PRKDC: variants seen among roughly 807,000 people sequenced by gnomAD.
PRKDC encodes the protein DNA-dependent protein kinase catalytic subunit.
In PRKDC, 82 loss-of-function variants were observed where a neutral mutation model predicts 486.9. That is an observed-to-expected ratio of 0.17 (90% confidence interval 0.14 to 0.20). The LOEUF is 0.20. Among genes scored for constraint, PRKDC ranks in the 10% least tolerant of loss-of-function variants. PRKDC has a pLI of 1.00. For synonymous variants in PRKDC, 1,895 were observed against 1,837.0 expected (o/e 1.03, Z -0.81); for missense variants, 4,504 against 5,038.2 (o/e 0.89, Z 3.21).
At chr8:47,861,060 A>T in intron 44 of PRKDC, 89 bp from the exon 45 acceptor site, 1 of 893,910 alleles carries the variant, frequency 1.1e-6, no homozygotes, top group South Asian at 2.0e-5. Flanking sequence ...CAAAAAAAAA[A>T]TTATAAATTT....
In PRKDC at chr8:47,882,107, T is replaced by C; in HGVS notation, c.4777-10A>G. The C allele has an allele frequency of 6.3e-7, 1 of 1,589,402 alleles. No homozygotes were observed. Among genetic ancestry groups the C allele is most frequent in the South Asian group, 1.2e-5 (1 of 86,328 alleles). ...TCAAAACGGCACTCACCTGAGACAA[T>C]TTCGTTGTGAGTGAAGAAAAATTCT... On this transcript the variant is annotated splice_polypyrimidine_tract_variant and intron_variant, in intron 36 of 85. Transcript: ENST00000314191.
chr8:47,827,817 C>G (rs1334711998), intron 62 of PRKDC, among the ~76,000 whole-genome samples: 1 of 152,140 alleles, frequency 6.6e-6, no homozygotes, highest in African/African-American at 2.4e-5. Context: ...GGTACTCAGT[C>G]AACATCTTTT....
chr8:47,902,982 A>G (rs984732753), intron 26 of PRKDC, among the ~76,000 whole-genome samples, 187 bp from the exon 27 acceptor site: 3 of 152,202 alleles, frequency 2.0e-5, no homozygotes, highest in Non-Finnish European at 4.4e-5. Context: ...TTGAATAACT[A>G]TTTCCTTCTG....
chr8:47,838,174 T>C (rs1169423898), intron 56 of PRKDC, among the ~76,000 whole-genome samples: 1 of 152,000 alleles, frequency 6.6e-6, no homozygotes, highest in Non-Finnish European at 1.5e-5. Context: ...ATGTAGTTGG[T>C]GCACATACAT....
chr8:47,784,778 C>T (rs2086763042), intron 77 of PRKDC, among the ~76,000 whole-genome samples: 1 of 151,744 alleles, frequency 6.6e-6, no homozygotes, highest in Non-Finnish European at 1.5e-5. Flanking sequence ...TGCCTCTATA[C>T]CTGTATATTT....
chr8:47,858,406 T>C, intron 48 of PRKDC, 110 bp downstream of exon 48: 1 of 1,119,620 alleles, frequency 8.9e-7, no homozygotes, highest in Non-Finnish European at 1.2e-6. Flanking sequence ...TTTCCTTTTT[T>C]GTGTGTGTTT....
chr8:47,877,616 T>C (rs2089116435), intron 40 of PRKDC, 108 bp downstream of exon 40: 2 of 1,150,188 alleles, frequency 1.7e-6, no homozygotes, highest in Admixed American at 3.0e-5. Context: ...TAAAGTTTAG[T>C]AGCAAGAATA....
chr8:47,959,864 G>A (rs1057505121), intron 1 of PRKDC, 109 bp downstream of exon 1: 1 of 1,458,134 alleles, frequency 6.9e-7, no homozygotes, highest in Non-Finnish European at 9.1e-7. Flanking sequence ...TCTAATTGCT[G>A]TACTTCAAAA....
At chr8:47,906,855 C>A (rs1170925964) in intron 25 of PRKDC, among the ~76,000 whole-genome samples, 1 of 151,430 alleles carries the variant, frequency 6.6e-6, no homozygotes, top group East Asian at 1.9e-4. Flanking sequence ...AGGGCTCAGA[C>A]TAAACAACAC....
chr8:47,910,087 G>A lies in PRKDC; in HGVS notation c.2934+2323C>T, dbSNP rs145893467. Among the ~76,000 whole-genome samples the A allele has an allele frequency of 1.0e-3, 152 of 152,188 alleles. 1 individual carries two copies. Among genetic ancestry groups the A allele is most frequent in the African/African-American group, 3.3e-3 (137 of 41,512 alleles). On this transcript the variant is annotated intron_variant, in intron 25 of 85. Transcript: ENST00000314191. ...GGCTCGGGGTTGTCATCACGGTCCCGGGTGTAACATTTCTCTCTTTGTACT... is the reference window on the plus strand; with the variant it reads ...GGCTCGGGGTTGTCATCACGGTCCCAGGTGTAACATTTCTCTCTTTGTACT...
chr8:47,900,643 C>T (rs559786422), intron 27 of PRKDC, among the ~76,000 whole-genome samples, 176 bp from the exon 28 acceptor site: 14 of 151,984 alleles, frequency 9.2e-5, no homozygotes, highest in African/African-American at 2.9e-4. Context: ...AGGTGGATCA[C>T]GAGGTCAGGA....
At chr8:47,821,272 T>TCTTG (rs564920924) in intron 65 of PRKDC, among the ~76,000 whole-genome samples, 325 of 152,268 alleles carry the variant, frequency 2.1e-3, no homozygotes, top group Non-Finnish European at 3.4e-3. Flanking sequence ...GCGGAGAGCC[T>TCTTG]CTTGTCACAG....
intron 22 of PRKDC, among the ~76,000 whole-genome samples, chr8:47,916,449 T>A (rs1743216642): frequency 6.6e-6 from 1 of 151,440 alleles, no homozygotes; most frequent in Non-Finnish European, 1.5e-5. Context: ...AAAAAAAAAA[T>A]CTTTAAGTAA....
At chr8:47,852,811 GCATC>G in intron 51 of PRKDC, 27 bp from the exon 52 acceptor site, 1 of 1,365,028 alleles carries the variant, frequency 7.3e-7, no homozygotes, top group Non-Finnish European at 1.0e-6. Context: ...AAAGACATAT[GCATC>G]AAATAAACCA....
chr8:47,838,034 G>A (rs2088065641), intron 56 of PRKDC, among the ~76,000 whole-genome samples: 2 of 152,134 alleles, frequency 1.3e-5, no homozygotes, highest in African/African-American at 4.8e-5. Context: ...TACTCGGGAG[G>A]CTGAGGCAGG....
intron 27 of PRKDC, among the ~76,000 whole-genome samples, chr8:47,902,103 G>A (rs1056284397): frequency 1.3e-5 from 2 of 152,054 alleles, no homozygotes; most frequent in Non-Finnish European, 2.9e-5. Flanking sequence ...CCAGCCTCAC[G>A]ACACCTGCCT....
chr8:47,944,503 G>GA (rs1006845930), intron 7 of PRKDC, among the ~76,000 whole-genome samples: 5 of 124,536 alleles, frequency 4.0e-5, no homozygotes, highest in African/African-American at 1.2e-4. Flanking sequence ...AAAAAAAACA[G>GA]AAAAAAAAAC....
intron 3 of PRKDC, among the ~76,000 whole-genome samples, chr8:47,956,672 C>G (rs946241721): frequency 2.0e-5 from 3 of 151,892 alleles, no homozygotes; most frequent in Non-Finnish European, 4.4e-5. Context: ...CACTGCACTC[C>G]AGCCTGGATG....
At position 47,774,357 on chromosome 8, in the gene PRKDC, T is replaced by C; in HGVS notation, c.12203A>G (p.His4068Arg). The C allele has an allele frequency of 6.2e-7, 1 of 1,613,186 alleles. No homozygotes were observed. Among genetic ancestry groups the C allele is most frequent in the East Asian group, 2.2e-5 (1 of 44,886 alleles). Residue 4068 changes from histidine (H) to arginine (R), a missense_variant, in exon 86 of 86, where the codon CAT becomes CGT. Physicochemically the swap from His to Arg is conservative, Grantham distance 29. This residue lies in a region of PRKDC where 706 missense variants were observed against 945.0 expected (regional missense o/e 0.75). Transcript: ENST00000314191. ...VITCDELLLG[H>R]EKAPAFRDYV... ...GTCTCTGAAGGCAGGGGCCTTCTCA[T>C]GACCCAGGAGTAGCTCATCACTGGA...
Sources: allele counts gnomAD v4.1 joint callset (sites outside exome capture counted in the v4.1 genomes callset), GRCh38; gene constraint gnomAD v4.1.1; regional missense constraint gnomAD v4.1.1; transcripts MANE v1.5; gene names NCBI Gene and HGNC (gene_info 2026-07-23, HGNC 2026-07-21).